The following RNF19A variants were observed in gnomAD, a reference collection of about 807,000 sequenced individuals.
RNF19A encodes the protein ring finger protein 19A, RBR E3 ubiquitin protein ligase.
Under a neutral mutation model 75.7 loss-of-function variants are expected in RNF19A, and 32 were observed. The ratio of observed to expected loss-of-function variants is 0.42; its 90% CI spans 0.32 to 0.57. RNF19A has a LOEUF of 0.57. RNF19A is among the 20% of genes least tolerant of loss of function. RNF19A has a pLI of 0.10. For synonymous variants in RNF19A, 335 were observed against 345.2 expected, an observed-to-expected ratio of 0.97 and a Z score of 0.33; for missense variants, 782 against 1,036.3, an observed-to-expected ratio of 0.75 and a Z score of 3.37.
intron 1 of RNF19A, among the ~76,000 whole-genome samples, chr8:100,326,128 C>A (rs1433811660): frequency 6.6e-6 from 1 of 152,190 alleles, no homozygotes; most frequent in Non-Finnish European, 1.5e-5. Context: ...CCCTTGACCT[C>A]ATTTCCAGCC....
intron 1 of RNF19A, among the ~76,000 whole-genome samples, chr8:100,295,300 CTT>C (rs1408706371): frequency 2.0e-5 from 3 of 152,186 alleles, no homozygotes; most frequent in African/African-American, 7.2e-5. Context: ...TCCTAGTAGA[CTT>C]TAGATACTTT....
At chr8:100,278,928 C>G (rs988324007) in intron 2 of RNF19A, among the ~76,000 whole-genome samples, 3 of 152,068 alleles carry the variant, frequency 2.0e-5, no homozygotes, top group Non-Finnish European at 4.4e-5. Flanking sequence ...GGCAAGAAAA[C>G]AGAGAAAACC....
rs1822585296 is a variant in RNF19A at position 100,329,693 on chromosome 8, T to G, written c.-243+6415A>C. ...GATATGTGGTCAAAAGAACTGGTTG[T>G]ACTTGGCTAAGAGAGAAAAGACTAG... On this transcript the variant is annotated intron_variant, in intron 1 of 3. Transcript: ENST00000519527. This position sits in a 1 kb window ranked among gnomAD's most constrained non-coding sequence, Gnocchi z 4.3. 6.6e-6 allele frequency among the ~76,000 whole-genome samples: 1 copy of G among 152,236 alleles called. No individual in the cohort carries two copies. The highest frequency in any genetic ancestry group is 6.5e-5 in the Admixed American group (1 of 15,286).
upstream of RNF19A, among the ~76,000 whole-genome samples, chr8:100,312,864 G>A (rs1822321499): frequency 6.6e-6 from 1 of 152,218 alleles, no homozygotes; most frequent in South Asian, 2.1e-4. Context: ...AGAGGTTGCA[G>A]CGAGCTGAGA....
At position 100,264,861 on chromosome 8, in the gene RNF19A, T is replaced by A; in HGVS notation, c.1192-76A>T. The A allele has an allele frequency of 9.0e-7, 1 of 1,110,792 alleles. No individual in the cohort carries two copies. The highest frequency in any genetic ancestry group is 1.4e-6 in the Non-Finnish European group (1 of 738,060). 68.8% of individuals were successfully genotyped at this position (1,110,792 alleles called of 1,614,324 possible). A position where few individuals can be genotyped will look rare whatever the true frequency, so the allele number is the denominator to read the frequency against. On this transcript the variant is annotated intron_variant, in intron 5 of 9. Transcript: ENST00000341084. This position sits in a 1 kb window ranked among gnomAD's most constrained non-coding sequence, Gnocchi z 4.7. The stretch of plus-strand genomic sequence containing the variant: ...ATTTAACTTAGTTGAAAAAGATCTA[T>A]ACTTGCTAAAGTGATTTTTCATAGA...
At chr8:100,300,777 G>T (rs1204895914) in intron 1 of RNF19A, 1 of 152,058 alleles carries the variant, frequency 6.6e-6, no homozygotes, top group Non-Finnish European at 1.5e-5. Flanking sequence ...TCAACTCCTG[G>T]GAGACAGTAA....
chr8:100,304,192 C>A (rs1328455743), intron 1 of RNF19A, among the ~76,000 whole-genome samples: 2 of 152,056 alleles, frequency 1.3e-5, no homozygotes, highest in Admixed American at 1.3e-4. Context: ...GAACTCCTAA[C>A]CTCAGGTGAT....
intron 3 of RNF19A, among the ~76,000 whole-genome samples, chr8:100,274,216 TC>T (rs1019741609): frequency 2.6e-5 from 4 of 152,334 alleles, no homozygotes; most frequent in African/African-American, 9.6e-5. Context: ...GACTGTGTGT[TC>T]TGTGACCAAT....
In RNF19A at chr8:100,323,257, T is replaced by A. The variant is rs2130363284; in HGVS notation, c.-242-9885A>T. On this transcript the variant is annotated intron_variant, in intron 1 of 3. Transcript: ENST00000519527. The surrounding 1 kb of genome is among the most constrained non-coding windows in gnomAD (Gnocchi z 4.6). ...TTTGAAGGTAGTATTTCATAGAAAG[T>A]TTTTAAGGAAGAAAGAAAACTTTAT... 6.6e-6 allele frequency among the ~76,000 whole-genome samples: 1 copy of A among 152,336 alleles called. No individual in the cohort carries two copies. The highest frequency in any genetic ancestry group is 2.1e-4 in the South Asian group (1 of 4,830).
chr8:100,316,767 G>A (rs1040056738), intron 1 of RNF19A, among the ~76,000 whole-genome samples: 7 of 152,250 alleles, frequency 4.6e-5, no homozygotes, highest in African/African-American at 1.7e-4. Flanking sequence ...CGCACCGTGC[G>A]CTCTCGCACT....
intron 1 of RNF19A, among the ~76,000 whole-genome samples, chr8:100,295,264 T>C (rs1821500112): frequency 6.6e-6 from 1 of 152,226 alleles, no homozygotes; most frequent in Non-Finnish European, 1.5e-5. Flanking sequence ...AACTAGTATT[T>C]ATCAAAATCC....
chr8:100,282,936 C>G (rs964453347), intron 2 of RNF19A, among the ~76,000 whole-genome samples: 2 of 152,100 alleles, frequency 1.3e-5, no homozygotes, highest in South Asian at 2.1e-4. Flanking sequence ...GAAGCTTACA[C>G]AAAGCCAATT....
chr8:100,277,767 C>G (rs542459194), intron 2 of RNF19A, among the ~76,000 whole-genome samples: 170 of 150,342 alleles, frequency 1.1e-3, no homozygotes, highest in Admixed American at 2.3e-3. Context: ...CATCGCAGTC[C>G]CAGATAAAGA....
In RNF19A at chr8:100,258,401, GAC is replaced by G. The variant is rs1819548737; in HGVS notation, c.*153_*154del. ...ATAGTTTGGTAACTAAGATCCACAT[GAC>G]ACACAATGCCTTGCTGAACACAGAA... On this transcript the variant is annotated 3_prime_UTR_variant, in exon 10 of 10. Coordinates refer to ENST00000341084, the MANE Select transcript of RNF19A (RefSeq NM_183419.4). The surrounding 1 kb of genome is among the most constrained non-coding windows in gnomAD (Gnocchi z 4.3). 3.3e-6 allele frequency: 2 copies of G among 597,312 alleles called. No individual in the cohort carries two copies. The highest frequency in any genetic ancestry group is 3.7e-4 in the Middle Eastern group (1 of 2,716). 37.0% of individuals were successfully genotyped at this position (597,312 alleles called of 1,614,324 possible).
Position 100,269,467 on chromosome 8 carries a change from C to T in RNF19A, c.1028+402G>A, listed in dbSNP as rs966402971. Among the ~76,000 whole-genome samples, 2 of 151,112 alleles carry T rather than the reference C, an allele frequency of 1.3e-5. No homozygotes were observed. The highest frequency in any genetic ancestry group is 2.9e-5 in the Non-Finnish European group (2 of 67,828). ...CCCTAGTCCTCCATTATCCTCAAAC[C>T]CTTAAGTCAGTTTTTTAATAGTAAA... On this transcript the variant is annotated intron_variant, in intron 4 of 9. Coordinates refer to ENST00000341084, the MANE Select transcript of RNF19A (RefSeq NM_183419.4). This position sits in a 1 kb window ranked among gnomAD's most constrained non-coding sequence, Gnocchi z 5.7.
Position 100,284,083 on chromosome 8 carries a change from A to T in RNF19A, c.674+3418T>A, listed in dbSNP as rs779415807. On this transcript the variant is annotated intron_variant, in intron 2 of 9. Transcript: ENST00000341084. This position sits in a 1 kb window ranked among gnomAD's most constrained non-coding sequence, Gnocchi z 4.3. ...AAATATTTGAATGATTATCTGATTT[A>T]AAAAAAAAAAGCAAAACTTTGGAAA... Among the ~76,000 whole-genome samples the T allele has an allele frequency of 3.3e-4, 48 of 146,194 alleles. No individual in the cohort carries two copies. The highest frequency in any genetic ancestry group is 7.8e-4 in the East Asian group (4 of 5,098).
At position 100,261,431 on chromosome 8, in the gene RNF19A, C is replaced by T; in HGVS notation, c.1682+111G>A. ...CATTTTTAACATTACTATTTTGAACCTTGACATAGTAGGGTTATATATAAT... is the reference window on the plus strand; with the variant it reads ...CATTTTTAACATTACTATTTTGAACTTTGACATAGTAGGGTTATATATAAT... On this transcript the variant is annotated intron_variant, in intron 8 of 9. Transcript: ENST00000341084. This position sits in a 1 kb window ranked among gnomAD's most constrained non-coding sequence, Gnocchi z 4.4. 1 of 957,946 alleles carries T rather than the reference C, an allele frequency of 1.0e-6. No individual in the cohort carries two copies. The highest frequency in any genetic ancestry group is 1.5e-5 in the South Asian group (1 of 65,346). The allele number at this position is 957,946 out of a possible 1,614,324, so 59.3% of individuals were successfully genotyped here. A position where few individuals can be genotyped will look rare whatever the true frequency, so the allele number is the denominator to read the frequency against.
chr8:100,295,538 G>A (rs570737913), intron 1 of RNF19A, among the ~76,000 whole-genome samples: 1 of 152,112 alleles, frequency 6.6e-6, no homozygotes, highest in South Asian at 2.1e-4. Flanking sequence ...CTCAGCCTCT[G>A]GTGCTACATA....
chr8:100,292,105 A>C (rs937685026), intron 1 of RNF19A, among the ~76,000 whole-genome samples: 6 of 152,128 alleles, frequency 3.9e-5, no homozygotes, highest in African/African-American at 1.4e-4. Flanking sequence ...TCAATAAAGA[A>C]GACAAATAAA....
Sources: allele counts gnomAD v4.1 joint callset (sites outside exome capture counted in the v4.1 genomes callset), GRCh38; gene constraint gnomAD v4.1.1; non-coding constraint Gnocchi (gnomAD v3.1); transcripts MANE v1.5; gene names NCBI Gene and HGNC (gene_info 2026-07-23, HGNC 2026-07-21).